TAOK3: variants seen among roughly 807,000 people sequenced by gnomAD.
TAOK3 encodes the protein serine/threonine-protein kinase TAO3.
In TAOK3, 40 loss-of-function variants were observed where a neutral mutation model predicts 120.4. The ratio of observed to expected loss-of-function variants is 0.33; its 90% CI spans 0.26 to 0.43. TAOK3 has a LOEUF of 0.43. Among genes scored for constraint, TAOK3 ranks in the 20% least tolerant of loss-of-function variants. The pLI is 1.00. For synonymous variants in TAOK3, 355 were observed against 387.5 expected (o/e 0.92, Z 0.99); for missense variants, 821 against 1,112.1 (o/e 0.74, Z 3.72).
intron 1 of TAOK3, among the ~76,000 whole-genome samples, chr12:118,363,755 T>TGAGAGAGA (rs112300856): frequency 3.5e-5 from 5 of 141,684 alleles, no homozygotes; most frequent in Non-Finnish European, 7.9e-5. Flanking sequence ...TGTGTGTGTG[T>TGAGAGAGA]GAGAGAGAGA....
At chr12:118,337,855 G>A (rs776802741) in intron 1 of TAOK3, among the ~76,000 whole-genome samples, 14 of 152,282 alleles carry the variant, frequency 9.2e-5, no homozygotes, top group African/African-American at 1.2e-4. Context: ...TATATAAACC[G>A]ACATGGGAAA....
chr12:118,331,682 C>T (rs2044156974), intron 1 of TAOK3, among the ~76,000 whole-genome samples: 1 of 145,456 alleles, frequency 6.9e-6, no homozygotes, highest in South Asian at 2.2e-4. Context: ...TAATATCTGA[C>T]TTTACAGTAG....
chr12:118,187,714 A>C (rs1369213785), intron 14 of TAOK3, among the ~76,000 whole-genome samples: 9 of 152,186 alleles, frequency 5.9e-5, no homozygotes, highest in Admixed American at 5.9e-4. Flanking sequence ...CCCCACAAAA[A>C]CAACTTATTT....
rs1198497387 is a variant in TAOK3 at position 118,277,484 on chromosome 12, G to A, written c.-193-10725C>T. Among the ~76,000 whole-genome samples the A allele has an allele frequency of 2.7e-5, 4 of 150,882 alleles. No individual in the cohort carries two copies. In the South Asian group the frequency reaches 6.3e-4, roughly 24 times the overall value. ...CCATGTATTTTTTTTTTTTTAAGAC[G>A]GAGTCTTGCTCCGTCGCCCAGGTTG... On this transcript the variant is annotated intron_variant, in intron 1 of 20. Transcript: ENST00000392533.
intron 1 of TAOK3, among the ~76,000 whole-genome samples, chr12:118,268,400 G>GA (rs897572377): frequency 1.3e-4 from 20 of 152,180 alleles, no homozygotes; most frequent in African/African-American, 4.6e-4. Context: ...GAAAAAACTA[G>GA]AAAAAAACTA....
At chr12:118,195,851 C>A (rs2037692013) in intron 13 of TAOK3, among the ~76,000 whole-genome samples, 1 of 151,996 alleles carries the variant, frequency 6.6e-6, no homozygotes, top group Non-Finnish European at 1.5e-5. Flanking sequence ...GAGATCGAGA[C>A]CATCCCGGCT....
At chr12:118,365,229 CTCTT>C (rs1483139201) in intron 1 of TAOK3, among the ~76,000 whole-genome samples, 7 of 152,120 alleles carry the variant, frequency 4.6e-5, no homozygotes, top group Non-Finnish European at 8.8e-5. Context: ...GTATCTCTCT[CTCTT>C]TTTTAATTTT....
At chr12:118,233,570 G>C in intron 9 of TAOK3, 104 bp downstream of exon 9, 1 of 905,212 alleles carries the variant, frequency 1.1e-6, no homozygotes, top group East Asian at 2.6e-5. Context: ...GTAATAGCCA[G>C]ATGAATAACT....
At chr12:118,315,249 A>T (rs2043413658) in intron 1 of TAOK3, among the ~76,000 whole-genome samples, 1 of 147,708 alleles carries the variant, frequency 6.8e-6, no homozygotes, top group South Asian at 2.2e-4. Flanking sequence ...ATGGTAAAAA[A>T]TGAGTAATGT....
intron 17 of TAOK3, among the ~76,000 whole-genome samples, chr12:118,166,897 A>G (rs2138531079): frequency 6.6e-6 from 1 of 151,610 alleles, no homozygotes; most frequent in East Asian, 1.9e-4. Context: ...GGAGTGTGGG[A>G]TAAGATACAT....
rs1363302304 is a variant in TAOK3, at chr12:118,269,145, TTC to T, written c.-193-2388_-193-2387del. 2.6e-5 allele frequency among the ~76,000 whole-genome samples: 4 copies of T among 152,072 alleles called. No individual in the cohort carries two copies. In the East Asian group the frequency reaches 5.8e-4, roughly 22 times the overall value. On this transcript the variant is annotated intron_variant, in intron 1 of 20. Coordinates refer to ENST00000392533, the MANE Select transcript of TAOK3 (RefSeq NM_016281.4). ...TCTCTTTCTTTCTTTCTTCTCTTTC[TTC>T]TCTCTCTTTCTTTCTTTCTTTTTTT...
At chr12:118,289,473 C>T (rs994120164) in intron 1 of TAOK3, among the ~76,000 whole-genome samples, 3 of 151,572 alleles carry the variant, frequency 2.0e-5, no homozygotes, top group Non-Finnish European at 2.9e-5. Flanking sequence ...TGTCTATACC[C>T]AAGAACTTAA....
chr12:118,265,712 T>C (rs1022420003), intron 2 of TAOK3, among the ~76,000 whole-genome samples: 1 of 152,126 alleles, frequency 6.6e-6, no homozygotes, highest in African/African-American at 2.4e-5. Flanking sequence ...AGTAATACAC[T>C]TTTGGGAATT....
chr12:118,223,062 C>CTTTTTTTTTTTTTTTTTT (rs75334511), intron 9 of TAOK3, among the ~76,000 whole-genome samples: 1 of 120,094 alleles, frequency 8.3e-6, no homozygotes, highest in Non-Finnish European at 1.7e-5. Context: ...TTCTTTCTTT[C>CTTTTTTTTTTTTTTTTTT]TTTTTTTTTT....
intron 1 of TAOK3, among the ~76,000 whole-genome samples, chr12:118,312,728 A>G (rs914090206): frequency 5.3e-5 from 8 of 152,208 alleles, no homozygotes; most frequent in African/African-American, 1.9e-4. Context: ...GGAGAGTATC[A>G]CTTCTAGTAC....
At position 118,290,767 on chromosome 12, in the gene TAOK3, T is replaced by C. The variant is rs561404177; in HGVS notation, c.-193-24008A>G. Among the ~76,000 whole-genome samples the C allele has an allele frequency of 4.6e-5, 7 of 152,336 alleles. No homozygotes were observed. In the East Asian group the frequency reaches 9.7e-4, roughly 21 times the overall value. ...TTTTAGTAGAGATGGGTTTTTGCCATGTTGGCCAGGCTGGAGGAATCCTAT... is the reference window on the plus strand; with the variant it reads ...TTTTAGTAGAGATGGGTTTTTGCCACGTTGGCCAGGCTGGAGGAATCCTAT... On this transcript the variant is annotated intron_variant, in intron 1 of 20. Transcript: ENST00000392533.
At chr12:118,334,408 T>C (rs2141052541) in intron 1 of TAOK3, among the ~76,000 whole-genome samples, 1 of 152,266 alleles carries the variant, frequency 6.6e-6, no homozygotes, top group South Asian at 2.1e-4. Flanking sequence ...ATATAAGCTA[T>C]CTAAAATAAT....
chr12:118,336,445 T>C (rs1242340566), intron 1 of TAOK3, among the ~76,000 whole-genome samples: 1 of 151,990 alleles, frequency 6.6e-6, no homozygotes, highest in African/African-American at 2.4e-5. Flanking sequence ...TATACAAAAA[T>C]TAACTCAAAA....
rs537811545 is a variant in TAOK3, at chr12:118,303,343, G to A, written c.-193-36584C>T. ...CTCCTTTCTAGCATGTAAACTCTATGAGGACAGGATTTTCAATCTGTTTTG... is the reference window on the plus strand; with the variant it reads ...CTCCTTTCTAGCATGTAAACTCTATAAGGACAGGATTTTCAATCTGTTTTG... On this transcript the variant is annotated intron_variant, in intron 1 of 20. Transcript: ENST00000392533. Among the ~76,000 whole-genome samples, 19 of 152,200 alleles carry A rather than the reference G, an allele frequency of 1.2e-4. No homozygotes were observed. The South Asian group carries it at 3.7e-3, about 30-fold the overall frequency.
Sources: gnomAD v4.1 joint callset for allele counts (sites outside exome capture counted in the v4.1 genomes callset) on GRCh38, gnomAD v4.1.1 for gene constraint, MANE v1.5 for transcripts, NCBI Gene and HGNC (gene_info 2026-07-23, HGNC 2026-07-21) for gene names.